The following SLC6A9 variants were observed in gnomAD, a reference collection of about 807,000 sequenced individuals.
SLC6A9 encodes the protein solute carrier family 6 member 9, also known as sodium- and chloride-dependent glycine transporter 1.
In SLC6A9, 31 loss-of-function variants were observed where a neutral mutation model predicts 70.9. The ratio of observed to expected loss-of-function variants is 0.44; its 90% CI spans 0.33 to 0.59. The LOEUF (loss-of-function observed/expected upper bound fraction) is 0.59, where lower values mean the gene tolerates loss of function less well. Among genes scored for constraint, SLC6A9 ranks in the 20% least tolerant of loss-of-function variants. The pLI, the probability that SLC6A9 is intolerant of heterozygous loss-of-function variation, is 0.04. For missense variants in SLC6A9, 631 were observed against 845.2 expected (o/e 0.75, Z 3.14); for synonymous variants, 310 against 341.3 (o/e 0.91, Z 1.01).
chr1:44,005,988 A>C (rs963113502), intron 5 of SLC6A9, among the ~76,000 whole-genome samples: 2 of 152,000 alleles, frequency 1.3e-5, no homozygotes, highest in Non-Finnish European at 2.9e-5. Flanking sequence ...ACTGGATAAA[A>C]TCTCTAGAGC....
At chr1:44,006,606 A>G (rs1036614669) in intron 5 of SLC6A9, among the ~76,000 whole-genome samples, 8 of 151,764 alleles carry the variant, frequency 5.3e-5, no homozygotes, top group Middle Eastern at 6.8e-3. Context: ...AAAAAAAAAA[A>G]AAAAGAAATC....
chr1:44,024,443 C>A (rs2086945186), intron 1 of SLC6A9, 81 bp from the exon 2 acceptor site: 4 of 764,270 alleles, frequency 5.2e-6, no homozygotes, highest in African/African-American at 1.7e-5. Context: ...CCGAGCCACC[C>A]ACCACCAGCC....
In SLC6A9 at chr1:44,002,295, C is replaced by A; in HGVS notation, c.962+18G>T. 2.5e-6 allele frequency: 4 copies of A among 1,587,440 alleles called. No individual in the cohort carries two copies. Among genetic ancestry groups the A allele is most frequent in the South Asian group, 1.1e-5 (1 of 90,546 alleles). On this transcript the variant is annotated intron_variant, in intron 8 of 13. Coordinates refer to ENST00000372310, the MANE Select transcript of SLC6A9 (RefSeq NM_001024845.3). The surrounding 1 kb of genome is among the most constrained non-coding windows in gnomAD (Gnocchi z 5.5). ...AGTGCAGGAAGGGGGCAGCCTCAGC[C>A]CAGCAGGGAGCACTCACCGGTAACA...
chr1:44,005,890 G>A (rs1255355624), intron 5 of SLC6A9, among the ~76,000 whole-genome samples: 3 of 152,248 alleles, frequency 2.0e-5, no homozygotes, highest in Non-Finnish European at 4.4e-5. Flanking sequence ...TGGCCAGTTA[G>A]GCAGGCCTGG....
chr1:44,002,403 G>A lies in SLC6A9; in HGVS notation c.872C>T (p.Ala291Val). Reference sequence around the variant, plus strand: ...CAGTGAGTAGAAGATCTGGGAGGCAGCATCACCCCACACCTGCAGGGAAGG... The same window carrying A: ...CAGTGAGTAGAAGATCTGGGAGGCAACATCACCCCACACCTGCAGGGAAGG... ...KILEAKVWGD[A>V]ASQIFYSLGC... Residue 291 changes from alanine to valine, a missense_variant, in exon 8 of 14, where the codon GCT becomes GTT. Coordinates refer to ENST00000372310, the MANE Select transcript of SLC6A9 (RefSeq NM_001024845.3). This position sits in a 1 kb window ranked among gnomAD's most constrained non-coding sequence, Gnocchi z 5.5. 2 of 1,614,056 alleles carry A rather than the reference G, an allele frequency of 1.2e-6. No homozygotes were observed. The highest frequency in any genetic ancestry group is 1.7e-6 in the Non-Finnish European group (2 of 1,179,920).
intron 2 of SLC6A9, among the ~76,000 whole-genome samples, chr1:44,021,678 C>A (rs924089722): frequency 2.5e-4 from 38 of 152,256 alleles, no homozygotes; most frequent in African/African-American, 9.2e-4. Flanking sequence ...CCTTAACATC[C>A]TCTCTTCTGA....
intron 8 of SLC6A9, 103 bp from the exon 9 acceptor site, chr1:44,001,730 T>C: frequency 1.3e-6 from 1 of 780,930 alleles, no homozygotes; most frequent in Non-Finnish European, 2.1e-6. Context: ...CCCCCAACTC[T>C]TTTTTTTTGG....
chr1:44,007,644 GC>G (rs1448124864), intron 5 of SLC6A9, among the ~76,000 whole-genome samples: 1 of 152,174 alleles, frequency 6.6e-6, no homozygotes, highest in Non-Finnish European at 1.5e-5. Context: ...CACTTCCTAG[GC>G]CACCTGAAGC....
chr1:44,008,365 T>C lies in SLC6A9; in HGVS notation c.578A>G (p.Glu193Gly). 6.2e-7 allele frequency: 1 copy of C among 1,614,074 alleles called. No individual in the cohort carries two copies. Among genetic ancestry groups the C allele is most frequent in the African/African-American group, 1.3e-5 (1 of 75,062 alleles). The change falls in exon 5 of 14, where the codon GAG becomes GGG. Residue 193 changes from glutamate (E) to glycine (G), a missense_variant. By Grantham distance (98) the Glu-to-Gly change is moderately conservative (BLOSUM62 -2). Transcript: ENST00000372310. ...GCAGGTGCCTCACCTCCAGTACTCCTCGCTGGGGCTGGTCCTCTGGAGGCT... is the reference window on the plus strand; with the variant it reads ...GCAGGTGCCTCACCTCCAGTACTCCCCGCTGGGGCTGGTCCTCTGGAGGCT... ...NHSLQRTSPS[E>G]EYWRLYVLKL...
chr1:44,009,993 C>T lies in SLC6A9; in HGVS notation c.291G>A (p.Gly97=), dbSNP rs760895454. The T allele has an allele frequency of 3.7e-6, 6 of 1,614,084 alleles. No homozygotes were observed. The highest frequency in any genetic ancestry group is 3.3e-5 in the Admixed American group (2 of 60,018). Residue 97 remains glycine, a synonymous_variant, in exon 4 of 14, where the codon GGG becomes GGA. Transcript: ENST00000372310. ...FGQFASQGCL[G]VWRISPMFKG... Reference sequence around the variant, plus strand: ...TGAACATGGGGCTGATCCTCCAGACCCCCAGGCACCCCTGGCTTGCAAACT... The same window carrying T: ...TGAACATGGGGCTGATCCTCCAGACTCCCAGGCACCCCTGGCTTGCAAACT...
At chr1:43,999,095 A>T (rs1403836051) in intron 12 of SLC6A9, among the ~76,000 whole-genome samples, 1 of 152,020 alleles carries the variant, frequency 6.6e-6, no homozygotes, top group Non-Finnish European at 1.5e-5. Flanking sequence ...CTCCGGAGAC[A>T]CTGCACACGA....
At chr1:44,016,979 T>A (rs1215526948) in intron 2 of SLC6A9, 3 of 1,486,784 alleles carry the variant, frequency 2.0e-6, no homozygotes, top group Non-Finnish European at 2.7e-6. Context: ...CCTCTCCCCA[T>A]CCGCAGCCCA....
chr1:44,021,320 G>A (rs937964959), intron 2 of SLC6A9, among the ~76,000 whole-genome samples: 5 of 152,298 alleles, frequency 3.3e-5, no homozygotes, highest in African/African-American at 4.8e-5. Context: ...CTGCTGAGGC[G>A]TGAGGGAGGC....
intron 2 of SLC6A9, 122 bp from the exon 3 acceptor site, chr1:44,011,004 G>T: frequency 1.0e-6 from 1 of 988,516 alleles, no homozygotes; most frequent in Non-Finnish European, 1.5e-6. Flanking sequence ...CTTCCCCTCT[G>T]CTGGCAGGAG....
At chr1:44,012,941 T>C (rs1244576608) in intron 2 of SLC6A9, among the ~76,000 whole-genome samples, 1 of 152,168 alleles carries the variant, frequency 6.6e-6, no homozygotes, top group Non-Finnish European at 1.5e-5. Context: ...CAAGGGCCCA[T>C]TTTTTGGAGG....
chr1:44,017,276 C>A, intron 2 of SLC6A9: 1 of 1,488,718 alleles, frequency 6.7e-7, no homozygotes, highest in Non-Finnish European at 8.9e-7. Flanking sequence ...TCCGGCCAGT[C>A]CCCATGCAGC....
intron 5 of SLC6A9, among the ~76,000 whole-genome samples, chr1:44,005,551 A>G (rs2086277968): frequency 6.6e-6 from 1 of 152,138 alleles, no homozygotes; most frequent in African/African-American, 2.4e-5. Context: ...AGTGTGGACT[A>G]AACACCTGCA....
intron 2 of SLC6A9, chr1:44,015,723 G>A (rs2086717535): frequency 2.4e-6 from 1 of 423,090 alleles, no homozygotes; most frequent in Non-Finnish European, 3.2e-6. Context: ...CACCTACCCT[G>A]CAATGACAGA....
chr1:43,999,949 G>A (rs2086029334), intron 12 of SLC6A9, among the ~76,000 whole-genome samples: 4 of 152,160 alleles, frequency 2.6e-5, no homozygotes. Flanking sequence ...TACGGTTTTG[G>A]CCCCTGGACC....
Sources: gnomAD v4.1 joint callset for allele counts (sites outside exome capture counted in the v4.1 genomes callset) on GRCh38, gnomAD v4.1.1 for gene constraint, Gnocchi (gnomAD v3.1) non-coding constraint, MANE v1.5 for transcripts, NCBI Gene and HGNC (gene_info 2026-07-23, HGNC 2026-07-21) for gene names.